The following RGS9 variants were observed in gnomAD, a reference collection of about 807,000 sequenced individuals.
RGS9 encodes regulator of G protein signaling 9, also known as regulator of G-protein signalling 9.
A neutral mutation model predicts 102.0 loss-of-function variants in RGS9; 78 were observed. That is an observed-to-expected ratio of 0.76 (90% CI 0.64 to 0.92). The LOEUF (loss-of-function observed/expected upper bound fraction) is 0.92, where lower values mean the gene tolerates loss of function less well. Among genes scored for constraint, RGS9 ranks in the 40% least tolerant of loss-of-function variants. The probability of loss-of-function intolerance (pLI) is 0.00; values close to 1 mark genes in which losing one functional copy is unlikely to be tolerated. For missense variants in RGS9, 833 were observed against 866.1 expected (o/e 0.96, Z 0.48); for synonymous variants, 353 against 318.6 (o/e 1.11, Z -1.15).
At chr17:65,194,014 G>T (rs1020449344) in intron 12 of RGS9, among the ~76,000 whole-genome samples, 1 of 152,116 alleles carries the variant, frequency 6.6e-6, no homozygotes, top group African/African-American at 2.4e-5. Flanking sequence ...AGGGCTACTC[G>T]ATTCGAGCAA....
chr17:65,178,244 C>G (rs78699737), intron 9 of RGS9, among the ~76,000 whole-genome samples: 6 of 152,132 alleles, frequency 3.9e-5, no homozygotes, highest in Non-Finnish European at 8.8e-5. Flanking sequence ...TAACCTTAAT[C>G]CACATGACAG....
Position 65,225,017 on chromosome 17 carries a change from G to A in RGS9, c.1423G>A (p.Ala475Thr), listed in dbSNP as rs754636746. 6 of 1,613,566 alleles carry A rather than the reference G, an allele frequency of 3.7e-6. No individual in the cohort carries two copies. In the South Asian group the frequency reaches 5.5e-5, roughly 15 times the overall value. ...VDITQPGQHM[A>T]PSPHLTVYTG... is the part of the protein sequence containing the mutation. ...TTCTCTACAGCCGGGCCAGCACATG[G>A]CTCCCAGCCCCCATCTGACCGTGTA... Residue 475 changes from alanine to threonine, a missense_variant, in exon 18 of 19, where the codon GCT (alanine) becomes ACT (threonine). This residue lies in a region of RGS9 where 320 missense variants were observed against 276.8 expected (regional missense o/e 1.16). Transcript: ENST00000262406.
chr17:65,165,445 G>C (rs1375395024), intron 7 of RGS9, among the ~76,000 whole-genome samples: 1 of 152,112 alleles, frequency 6.6e-6, no homozygotes, highest in African/African-American at 2.4e-5. Flanking sequence ...AGCACAAAAC[G>C]TGGTTGACCA....
chr17:65,183,062 A>G (rs1281113636), intron 9 of RGS9, among the ~76,000 whole-genome samples: 2 of 13,130 alleles, frequency 1.5e-4, no homozygotes, highest in Non-Finnish European at 5.3e-4. Context: ...ATTTTTTTAA[A>G]TCTATCTATC....
intron 17 of RGS9, among the ~76,000 whole-genome samples, chr17:65,215,474 C>CTTTTTCTTTCTTTCTTTCT (rs1378047430): frequency 1.5e-5 from 2 of 137,046 alleles, no homozygotes; most frequent in African/African-American, 6.5e-5. Context: ...TTCTTTCTTT[C>CTTTTTCTTTCTTTCTTTCT]TCTATCTTTC....
In RGS9 at chr17:65,179,586, T is replaced by C. The variant is rs192978629; in HGVS notation, c.654+1783T>C. On this transcript the variant is annotated intron_variant, in intron 9 of 18. Coordinates refer to ENST00000262406, the MANE Select transcript of RGS9 (RefSeq NM_003835.4). ...CATCACTCATTCTGAGATGGGGGGGTGGGAACAAAGGGTCACCCATCCGTG... is the reference window on the plus strand; with the variant it reads ...CATCACTCATTCTGAGATGGGGGGGCGGGAACAAAGGGTCACCCATCCGTG... Among the ~76,000 whole-genome samples the C allele has an allele frequency of 1.5e-3, 196 of 132,488 alleles. 2 individuals are homozygous for C. The Middle Eastern group carries it at 0.016, about 11-fold the overall frequency. 86.9% of individuals were successfully genotyped at this position (132,488 alleles called of 152,430 possible). A position where few individuals can be genotyped will look rare whatever the true frequency, so the allele number is the denominator to read the frequency against.
intron 7 of RGS9, among the ~76,000 whole-genome samples, chr17:65,164,243 G>A (rs1469840689): frequency 6.6e-6 from 1 of 152,096 alleles, no homozygotes; most frequent in East Asian, 1.9e-4. Flanking sequence ...CCACTTCCAG[G>A]ACCCATATGC....
chr17:65,213,821 G>A (rs1471328093), intron 17 of RGS9, among the ~76,000 whole-genome samples: 4 of 152,276 alleles, frequency 2.6e-5, no homozygotes, highest in East Asian at 3.9e-4. Context: ...GACACAGCAC[G>A]TAAACAAAGC....
At chr17:65,208,728 C>G (rs867415082) in intron 16 of RGS9, among the ~76,000 whole-genome samples, 39 of 152,252 alleles carry the variant, frequency 2.6e-4, no homozygotes, top group South Asian at 6.2e-4. Context: ...CCTGTCCCCC[C>G]CAAAGTGAGT....
intron 13 of RGS9, among the ~76,000 whole-genome samples, chr17:65,200,200 T>G (rs1443880167): frequency 1.3e-5 from 2 of 152,014 alleles, no homozygotes; most frequent in Non-Finnish European, 2.9e-5. Context: ...GCCGGCTAAT[T>G]TTTGTATTTT....
intron 17 of RGS9, among the ~76,000 whole-genome samples, chr17:65,223,999 C>T (rs1447767246): frequency 6.6e-6 from 1 of 151,976 alleles, no homozygotes; most frequent in Non-Finnish European, 1.5e-5. Context: ...TCAGGTTATC[C>T]ACCCGCCTCA....
intron 14 of RGS9, among the ~76,000 whole-genome samples, chr17:65,202,579 C>T (rs1248294274): frequency 6.6e-6 from 1 of 152,024 alleles, no homozygotes; most frequent in Non-Finnish European, 1.5e-5. Context: ...GGACAGTGAG[C>T]GCAGCTTGGG....
At chr17:65,141,029 G>T (rs1277711392) in intron 1 of RGS9, among the ~76,000 whole-genome samples, 2 of 152,202 alleles carry the variant, frequency 1.3e-5, no homozygotes, top group East Asian at 3.8e-4. Context: ...GGGCCATGGA[G>T]AGCCATACTG....
Position 65,153,513 on chromosome 17 carries a change from T to A in RGS9, c.149T>A (p.Met50Lys), listed in dbSNP as rs1270052130. ...RVLVTSVPHA[M>K]TGSDVLQWIV... ...CTGGTCACCAGCGTTCCTCATGCCA[T>A]GACAGGTGATGTAGCTTGCACTTTA... is the stretch of plus-strand genomic sequence containing the variant. The change falls in exon 2 of 19, where the codon ATG (methionine) becomes AAG (lysine). Residue 50 changes from methionine (M) to lysine (K), a missense_variant. Around this residue, in one of 3 missense-constraint regions of RGS9, gnomAD observed 328 missense variants for 340.6 expected, o/e 0.96. Transcript: ENST00000262406. 2 of 1,612,872 alleles carry A rather than the reference T, an allele frequency of 1.2e-6. No individual in the cohort carries two copies. Among genetic ancestry groups the A allele is most frequent in the Non-Finnish European group, 1.7e-6 (2 of 1,178,798 alleles).
At chr17:65,166,538 G>A (rs1911186527) in intron 7 of RGS9, among the ~76,000 whole-genome samples, 1 of 152,186 alleles carries the variant, frequency 6.6e-6, no homozygotes, top group South Asian at 2.1e-4. Context: ...ATGAATGAAC[G>A]AATGAATGAA....
chr17:65,163,712 A>G (rs8071641), intron 7 of RGS9, among the ~76,000 whole-genome samples: 5,794 of 152,178 alleles, frequency 0.038, 366 homozygotes, highest in African/African-American at 0.13. Flanking sequence ...GGTGAAGGAT[A>G]GCAGTTGTGG....
intron 8 of RGS9, among the ~76,000 whole-genome samples, chr17:65,172,919 T>C (rs2144025305): frequency 6.6e-6 from 1 of 150,610 alleles, no homozygotes; most frequent in Middle Eastern, 3.5e-3. Context: ...TTTTTCTTTC[T>C]TTCTTTCTTT....
chr17:65,207,330 G>A (rs1041925132), intron 15 of RGS9, among the ~76,000 whole-genome samples: 4 of 152,172 alleles, frequency 2.6e-5, no homozygotes, highest in Admixed American at 2.0e-4. Context: ...CATGTGTAGG[G>A]TTACAGACTG....
intron 10 of RGS9, among the ~76,000 whole-genome samples, 185 bp downstream of exon 10, chr17:65,189,500 G>A (rs190273124): frequency 2.8e-4 from 43 of 152,286 alleles, no homozygotes; most frequent in African/African-American, 1.0e-3. Context: ...GCTGGGGCTG[G>A]GGCTGAGGCT....
Sources: allele counts gnomAD v4.1 joint callset (sites outside exome capture counted in the v4.1 genomes callset), GRCh38; gene constraint gnomAD v4.1.1; regional missense constraint gnomAD v4.1.1; transcripts MANE v1.5; gene names NCBI Gene and HGNC (gene_info 2026-07-23, HGNC 2026-07-21).